The following CTNNA3 variants were observed in gnomAD, a reference collection of about 807,000 sequenced individuals.
The protein encoded by CTNNA3 is catenin alpha-3.
In CTNNA3, 76 loss-of-function variants were observed where a neutral mutation model predicts 95.7. The observed-to-expected ratio is 0.79, with a 90% confidence interval of 0.66 to 0.96. CTNNA3 has a LOEUF of 0.96. CTNNA3 is among the 40% of genes least tolerant of loss of function. The pLI is 0.00. For missense variants in CTNNA3, 1,191 were observed against 1,089.8 expected (o/e 1.09, Z -1.31); for synonymous variants, 431 against 374.4 (o/e 1.15, Z -1.74).
rs371105123 is a variant in CTNNA3 at position 66,105,549 on chromosome 10, A to T, written c.1885-2300T>A. Among the ~76,000 whole-genome samples, 14 of 152,216 alleles carry T rather than the reference A, an allele frequency of 9.2e-5. No individual in the cohort carries two copies. In the East Asian group the frequency reaches 1.7e-3, roughly 19 times the overall value. On this transcript the variant is annotated intron_variant, in intron 13 of 17. Coordinates refer to ENST00000433211, the MANE Select transcript of CTNNA3 (RefSeq NM_013266.4). ...ATCATCCACTCCTATAGTTTATTCA[A>T]CCCCCAAATAAAGTAACAAACTAAG...
At chr10:67,244,136 A>G (rs1865818741) in intron 5 of CTNNA3, among the ~76,000 whole-genome samples, 1 of 152,216 alleles carries the variant, frequency 6.6e-6, no homozygotes, top group African/African-American at 2.4e-5. Context: ...TCTAGAATGG[A>G]AATGTTTTTT....
chr10:66,796,835 T>G, intron 7 of CTNNA3, among the ~76,000 whole-genome samples: 1 of 152,168 alleles, frequency 6.6e-6, no homozygotes, highest in South Asian at 2.1e-4. Context: ...TTATAAGCCA[T>G]GTAACAAACT....
At chr10:67,124,964 G>T (rs975014572) in intron 7 of CTNNA3, among the ~76,000 whole-genome samples, 11 of 152,116 alleles carry the variant, frequency 7.2e-5, no homozygotes, top group African/African-American at 2.4e-4. Flanking sequence ...CAGACAGGAG[G>T]CTTGGGAAAA....
chr10:66,274,795 C>G (rs2091356359), intron 13 of CTNNA3, among the ~76,000 whole-genome samples: 1 of 152,102 alleles, frequency 6.6e-6, no homozygotes, highest in Non-Finnish European at 1.5e-5. Context: ...GAATTTAAGA[C>G]AGTGATAAAT....
intron 5 of CTNNA3, among the ~76,000 whole-genome samples, chr10:67,451,423 T>C (rs925418302): frequency 6.6e-6 from 1 of 151,170 alleles, no homozygotes; most frequent in African/African-American, 2.4e-5. Context: ...AAAGTTTTTG[T>C]TGTAAACATG....
chr10:67,032,023 T>C (rs1853756513), intron 7 of CTNNA3, among the ~76,000 whole-genome samples: 1 of 152,196 alleles, frequency 6.6e-6, no homozygotes, highest in Non-Finnish European at 1.5e-5. Flanking sequence ...TTTATGGCCA[T>C]GCATAATTTG....
At chr10:66,327,675 A>T (rs1198781459) in intron 12 of CTNNA3, among the ~76,000 whole-genome samples, 1 of 152,014 alleles carries the variant, frequency 6.6e-6, no homozygotes, top group Non-Finnish European at 1.5e-5. Flanking sequence ...TGCAATTCTT[A>T]GGACCCTATA....
At chr10:65,934,715 A>G (rs979829882) in intron 17 of CTNNA3, among the ~76,000 whole-genome samples, 4 of 152,140 alleles carry the variant, frequency 2.6e-5, no homozygotes, top group Non-Finnish European at 2.9e-5. Context: ...ATGGGCAGAG[A>G]GGTCAATCAA....
intron 3 of CTNNA3, among the ~76,000 whole-genome samples, chr10:67,601,918 A>C (rs1843095086): frequency 6.6e-6 from 1 of 152,174 alleles, no homozygotes; most frequent in Non-Finnish European, 1.5e-5. Flanking sequence ...TTCTTTAGGT[A>C]ACCAAAATAC....
At chr10:66,109,353 C>A (rs1288890307) in intron 13 of CTNNA3, among the ~76,000 whole-genome samples, 1 of 152,188 alleles carries the variant, frequency 6.6e-6, no homozygotes, top group African/African-American at 2.4e-5. Context: ...ACGTCTTGAT[C>A]TGAATAATTC....
At chr10:67,556,510 C>G (rs1841261471) in intron 3 of CTNNA3, among the ~76,000 whole-genome samples, 1 of 152,148 alleles carries the variant, frequency 6.6e-6, no homozygotes, top group East Asian at 1.9e-4. Flanking sequence ...GGAATTTATC[C>G]ATTTCTTTTA....
chr10:66,074,003 C>T (rs2080495856), intron 14 of CTNNA3, among the ~76,000 whole-genome samples: 1 of 152,044 alleles, frequency 6.6e-6, no homozygotes, highest in African/African-American at 2.4e-5. Context: ...CTTCTATCTT[C>T]TGCTAGTCAC....
At chr10:66,569,906 ATAGG>A (rs1263630827) in intron 10 of CTNNA3, among the ~76,000 whole-genome samples, 1 of 152,194 alleles carries the variant, frequency 6.6e-6, no homozygotes, top group Admixed American at 6.5e-5. Context: ...TAAAAATAAT[ATAGG>A]TAGATATTTG....
intron 5 of CTNNA3, among the ~76,000 whole-genome samples, chr10:67,494,768 G>C (rs977982051): frequency 6.6e-6 from 1 of 152,200 alleles, no homozygotes; most frequent in South Asian, 2.1e-4. Flanking sequence ...TTCTTGAACT[G>C]AGAATTACTT....
At chr10:67,250,634 A>G (rs771784963) in intron 5 of CTNNA3, among the ~76,000 whole-genome samples, 3 of 152,126 alleles carry the variant, frequency 2.0e-5, no homozygotes, top group Admixed American at 1.3e-4. Flanking sequence ...ATGCCTGTAT[A>G]TTTCAGCCAC....
chr10:67,029,946 C>A (rs2133105625), intron 7 of CTNNA3, among the ~76,000 whole-genome samples: 1 of 152,352 alleles, frequency 6.6e-6, no homozygotes, highest in Admixed American at 6.5e-5. Flanking sequence ...TTCTGTCAGA[C>A]AACACTGACC....
chr10:67,674,844 T>C (rs938722143), intron 1 of CTNNA3, among the ~76,000 whole-genome samples: 1 of 152,174 alleles, frequency 6.6e-6, no homozygotes, highest in Non-Finnish European at 1.5e-5. Flanking sequence ...GTAAATATAA[T>C]CTTTTGTCAG....
chr10:67,597,291 A>T (rs1428909080), intron 3 of CTNNA3, among the ~76,000 whole-genome samples: 1 of 152,196 alleles, frequency 6.6e-6, no homozygotes, highest in African/African-American at 2.4e-5. Context: ...GTTAAAAACC[A>T]CTGCTGGTGA....
chr10:67,367,764 C>G (rs1843270143), intron 5 of CTNNA3, among the ~76,000 whole-genome samples: 1 of 152,136 alleles, frequency 6.6e-6, no homozygotes, highest in African/African-American at 2.4e-5. Context: ...ATGGCTGCAG[C>G]TGGAAGCCAA....
Sources: gnomAD v4.1 joint callset for allele counts (sites outside exome capture counted in the v4.1 genomes callset) on GRCh38, gnomAD v4.1.1 for gene constraint, MANE v1.5 for transcripts, NCBI Gene and HGNC (gene_info 2026-07-23, HGNC 2026-07-21) for gene names.